Variants in SLC4A7 observed in about 807,000 individuals in gnomAD.
The protein encoded by SLC4A7 is solute carrier family 4 member 7, also known as sodium bicarbonate cotransporter 3.
SLC4A7 carries 51 observed loss-of-function variants against 137.6 expected under a neutral mutation model. The ratio of observed to expected loss-of-function variants is 0.37; its 90% CI spans 0.30 to 0.47. The LOEUF is 0.47. SLC4A7 is among the 20% of genes least tolerant of loss of function. SLC4A7 has a pLI of 1.00. For missense variants in SLC4A7, 1,247 were observed against 1,525.4 expected, an observed-to-expected ratio of 0.82 and a Z score of 3.04; for synonymous variants, 542 against 518.6, an observed-to-expected ratio of 1.05 and a Z score of -0.61.
intron 1 of SLC4A7, among the ~76,000 whole-genome samples, chr3:27,480,745 C>T (rs533306352): frequency 6.6e-6 from 1 of 152,234 alleles, no homozygotes; most frequent in South Asian, 2.1e-4. Flanking sequence ...CAATCACTAC[C>T]GAATTCATAC....
intron 1 of SLC4A7, among the ~76,000 whole-genome samples, chr3:27,483,044 C>T (rs1423178770): frequency 6.6e-6 from 1 of 152,184 alleles, no homozygotes; most frequent in East Asian, 1.9e-4. Flanking sequence ...AGTAATTTTC[C>T]TCTTAGTTGT....
chr3:27,376,735 C>A lies in SLC4A7; in HGVS notation c.*29G>T. 1 of 1,243,560 alleles carries A rather than the reference C, an allele frequency of 8.0e-7. No homozygotes were observed. The highest frequency in any genetic ancestry group is 1.2e-6 in the Non-Finnish European group (1 of 847,192). 77.0% of individuals were successfully genotyped at this position (1,243,560 alleles called of 1,614,324 possible). A position where few individuals can be genotyped will look rare whatever the true frequency, so the allele number is the denominator to read the frequency against. On this transcript the variant is annotated 3_prime_UTR_variant, in exon 26 of 26. Coordinates refer to ENST00000454389, the MANE Select transcript of SLC4A7 (RefSeq NM_001321103.2). Reference sequence around the variant, plus strand: ...ACGCACACATTACATATGTATATATCTATATGTATAATGCCTCTTGGTTCA... The same window carrying A: ...ACGCACACATTACATATGTATATATATATATGTATAATGCCTCTTGGTTCA...
chr3:27,376,690 C>G lies in SLC4A7; in HGVS notation c.*74G>C. The G allele has an allele frequency of 1.1e-6, 1 of 908,332 alleles. No homozygotes were observed. The highest frequency in any genetic ancestry group is 1.6e-5 in the South Asian group (1 of 63,808). 56.3% of individuals were successfully genotyped at this position (908,332 alleles called of 1,614,324 possible). A position where few individuals can be genotyped will look rare whatever the true frequency, so the allele number is the denominator to read the frequency against. Reference sequence around the variant, plus strand: ...CATAAACAGCATGACATACAATATTCTTATATATAGTGACATGATACGCAC... The same window carrying G: ...CATAAACAGCATGACATACAATATTGTTATATATAGTGACATGATACGCAC... On this transcript the variant is annotated 3_prime_UTR_variant, in exon 26 of 26. Coordinates refer to ENST00000454389, the MANE Select transcript of SLC4A7 (RefSeq NM_001321103.2).
At chr3:27,483,566 G>T (rs188512396) in intron 1 of SLC4A7, among the ~76,000 whole-genome samples, 1 of 152,236 alleles carries the variant, frequency 6.6e-6, no homozygotes, top group Admixed American at 6.5e-5. Context: ...GAAAGAGGGG[G>T]AAAGATTCAA....
At chr3:27,413,062 A>G (rs2150231854) in intron 11 of SLC4A7, among the ~76,000 whole-genome samples, 1 of 152,250 alleles carries the variant, frequency 6.6e-6, no homozygotes, top group African/African-American at 2.4e-5. Flanking sequence ...AATACAATAG[A>G]CCTTCAGCTA....
At position 27,434,691 on chromosome 3, in the gene SLC4A7, TG is replaced by T. The variant is rs368577848; in HGVS notation, c.590-588del. Among the ~76,000 whole-genome samples, 107 of 152,192 alleles carry T rather than the reference TG, an allele frequency of 7.0e-4. 1 individual carries two copies. In the East Asian group the frequency reaches 0.02, roughly 29 times the overall value. On this transcript the variant is annotated intron_variant, in intron 5 of 25. Coordinates refer to ENST00000454389, the MANE Select transcript of SLC4A7 (RefSeq NM_001321103.2). Reference sequence around the variant, plus strand: ...CAGGTTGTGAAAGGGATGTGGGGAATGGGGAAACTGATGGCAATGCCATTTT... The same window carrying T: ...CAGGTTGTGAAAGGGATGTGGGGAATGGGAAACTGATGGCAATGCCATTTT...
intron 13 of SLC4A7, among the ~76,000 whole-genome samples, chr3:27,408,636 A>G (rs920251554): frequency 7.9e-5 from 12 of 152,210 alleles, no homozygotes; most frequent in Non-Finnish European, 1.5e-4. Flanking sequence ...AAGAATTACA[A>G]ATCGTCTCAT....
intron 24 of SLC4A7, among the ~76,000 whole-genome samples, chr3:27,381,847 A>T (rs1381256685): frequency 6.6e-6 from 1 of 152,180 alleles, no homozygotes; most frequent in African/African-American, 2.4e-5. Flanking sequence ...GCACTTTGGG[A>T]GGCCAAGGCA....
rs1481625720 is a variant in SLC4A7, at chr3:27,484,109, G to A, written c.18C>T (p.Ala6=). ...TGAGTAGCGGTCTCATCTGCTCGCC[G>A]GCCCCATCAGCCTCCATGGCCGGCC... MEADG[A]GEQMRPLLTR... The change falls in exon 1 of 26, where the codon GCC becomes GCT. Residue 6 remains alanine, a synonymous_variant. Coordinates refer to ENST00000454389, the MANE Select transcript of SLC4A7 (RefSeq NM_001321103.2). 7.9e-6 allele frequency: 11 copies of A among 1,395,048 alleles called. No individual in the cohort carries two copies. The highest frequency in any genetic ancestry group is 9.4e-6 in the Non-Finnish European group (10 of 1,069,496). 86.4% of individuals were successfully genotyped at this position (1,395,048 alleles called of 1,614,324 possible).
chr3:27,386,358 T>C (rs2050954048), intron 22 of SLC4A7, among the ~76,000 whole-genome samples: 2 of 152,068 alleles, frequency 1.3e-5, no homozygotes, highest in South Asian at 4.1e-4. Flanking sequence ...TTACATATTA[T>C]GTAAGTATAT....
At chr3:27,403,490 A>G (rs1445615960) in intron 14 of SLC4A7, 106 bp from the exon 15 acceptor site, 6 of 664,206 alleles carry the variant, frequency 9.0e-6, no homozygotes, top group Non-Finnish European at 1.5e-5. Flanking sequence ...CACGATTCCT[A>G]AAAGAGAATG....
chr3:27,428,865 GA>G (rs1158271554), intron 7 of SLC4A7, among the ~76,000 whole-genome samples: 1 of 152,086 alleles, frequency 6.6e-6, no homozygotes, highest in Non-Finnish European at 1.5e-5. Flanking sequence ...TAATTAAAAA[GA>G]AAAGTTACTA....
At chr3:27,378,201 CAT>C (rs1482558354) in intron 25 of SLC4A7, among the ~76,000 whole-genome samples, 1 of 151,994 alleles carries the variant, frequency 6.6e-6, no homozygotes, top group Non-Finnish European at 1.5e-5. Flanking sequence ...AAGAGAAAAA[CAT>C]ATGATAGAGA....
At chr3:27,448,299 C>T (rs2057822911) in intron 3 of SLC4A7, among the ~76,000 whole-genome samples, 1 of 150,952 alleles carries the variant, frequency 6.6e-6, no homozygotes, top group South Asian at 2.1e-4. Context: ...CTATCCATTG[C>T]ATATGTAAGT....
intron 24 of SLC4A7, among the ~76,000 whole-genome samples, chr3:27,381,936 G>A (rs35998108): frequency 0.21 from 32,133 of 151,956 alleles, 3,491 homozygotes; most frequent in Non-Finnish European, 0.25. Context: ...TGAAAGTACA[G>A]AAAGTAGCTG....
intron 10 of SLC4A7, among the ~76,000 whole-genome samples, chr3:27,419,699 T>C (rs192715644): frequency 1.3e-5 from 2 of 151,970 alleles, no homozygotes; most frequent in Admixed American, 1.3e-4. Context: ...ACTAAGGAAA[T>C]GATACATTCA....
intron 2 of SLC4A7, among the ~76,000 whole-genome samples, chr3:27,449,066 T>C (rs985879330): frequency 6.6e-6 from 1 of 152,066 alleles, no homozygotes; most frequent in Non-Finnish European, 1.5e-5. Context: ...TGTTTTGTTT[T>C]TGTTTTTGTA....
rs1156950293 is a variant in SLC4A7, at chr3:27,443,024, C to CTTTTTTTTTTTT, written c.290-5499_290-5498insAAAAAAAAAAAA. ...CACCGCGCTGGGCATTCTCTTTTTT[C>CTTTTTTTTTTTT]TTTTTTTCTTTTTTTTTTTTTTTTT... On this transcript the variant is annotated intron_variant, in intron 3 of 25. Transcript: ENST00000454389. Among the ~76,000 whole-genome samples the CTTTTTTTTTTTT allele has an allele frequency of 2.7e-4, 28 of 102,136 alleles. 3 individuals are homozygous for CTTTTTTTTTTTT. Among genetic ancestry groups the CTTTTTTTTTTTT allele is most frequent in the East Asian group, 7.5e-4 (2 of 2,650 alleles). 67.0% of individuals were successfully genotyped at this position (102,136 alleles called of 152,430 possible).
At chr3:27,424,176 A>C (rs1304547193) in intron 7 of SLC4A7, 24 bp from the exon 8 acceptor site, 1 of 1,234,426 alleles carries the variant, frequency 8.1e-7, no homozygotes, top group East Asian at 2.4e-5. Context: ...CAAATTCCAA[A>C]TTAGTAAGGA....
Sources: gnomAD v4.1 joint callset for allele counts (sites outside exome capture counted in the v4.1 genomes callset) on GRCh38, gnomAD v4.1.1 for gene constraint, MANE v1.5 for transcripts, NCBI Gene and HGNC (gene_info 2026-07-23, HGNC 2026-07-21) for gene names.